The following STK32A variants were observed in gnomAD, a reference collection of about 807,000 sequenced individuals.
STK32A encodes serine/threonine kinase 32A, also known as serine/threonine-protein kinase 32A.
STK32A carries 41 observed loss-of-function variants against 53.2 expected under a neutral mutation model. That is an observed-to-expected ratio of 0.77 (90% confidence interval 0.60 to 1.00). The LOEUF (loss-of-function observed/expected upper bound fraction) is 1.00. Among genes scored for constraint, STK32A ranks in the 50% least tolerant of loss-of-function variants. STK32A has a pLI of 0.00. For synonymous variants in STK32A, 166 were observed against 162.8 expected (o/e 1.02, Z -0.15); for missense variants, 458 against 485.8 (o/e 0.94, Z 0.54).
rs903274045 is a variant in STK32A, at chr5:147,384,551, G to T, written c.*568G>T. The T allele has an allele frequency of 2.4e-6, 2 of 840,134 alleles. No homozygotes were observed. The highest frequency in any genetic ancestry group is 3.7e-6 in the Non-Finnish European group (2 of 541,974). The allele number at this position is 840,134 out of a possible 1,614,324, so 52.0% of individuals were successfully genotyped here. A position where few individuals can be genotyped will look rare whatever the true frequency, so the allele number is the denominator to read the frequency against. Reference sequence around the variant, plus strand: ...GGATGAGGGCCTTCCAGTGATATGCGTGAATCAGCATTAGATCCGCTTATC... The same window carrying T: ...GGATGAGGGCCTTCCAGTGATATGCTTGAATCAGCATTAGATCCGCTTATC... On this transcript the variant is annotated 3_prime_UTR_variant, in exon 13 of 13. Coordinates refer to ENST00000397936, the MANE Select transcript of STK32A (RefSeq NM_001112724.2).
At chr5:147,355,792 G>GTGTGTGTGTGTATATATATATATA in intron 7 of STK32A, among the ~76,000 whole-genome samples, 1 of 147,848 alleles carries the variant, frequency 6.8e-6, no homozygotes, top group African/African-American at 2.5e-5. Context: ...GTGTGTGTGT[G>GTGTGTGTGTGTATATATATATATA]TATATATATA....
chr5:147,269,807 A>T (rs1194782049), intron 2 of STK32A, among the ~76,000 whole-genome samples: 1 of 152,228 alleles, frequency 6.6e-6, no homozygotes, highest in African/African-American at 2.4e-5. Flanking sequence ...TAACCAAGAT[A>T]TGGAGGACCT....
At chr5:147,315,157 C>T (rs1053660956) in intron 4 of STK32A, among the ~76,000 whole-genome samples, 1 of 152,140 alleles carries the variant, frequency 6.6e-6, no homozygotes, top group African/African-American at 2.4e-5. Flanking sequence ...CTGAAGAAAA[C>T]AGTTGGACAG....
intron 5 of STK32A, among the ~76,000 whole-genome samples, chr5:147,329,772 A>G (rs1754775206): frequency 6.6e-6 from 1 of 152,232 alleles, no homozygotes; most frequent in South Asian, 2.1e-4. Context: ...TTAAGCCCTC[A>G]TAAGTGGATA....
intron 5 of STK32A, among the ~76,000 whole-genome samples, chr5:147,330,936 A>G (rs1452640066): frequency 6.6e-6 from 1 of 152,202 alleles, no homozygotes; most frequent in East Asian, 1.9e-4. Context: ...TCAGGCAGAG[A>G]TCTGGGCTGG....
At chr5:147,261,461 T>G (rs1378220935) in intron 2 of STK32A, among the ~76,000 whole-genome samples, 1 of 151,998 alleles carries the variant, frequency 6.6e-6, no homozygotes, top group Non-Finnish European at 1.5e-5. Context: ...AAGAGAATGA[T>G]GGGGTGAGTG....
intron 2 of STK32A, chr5:147,240,006 A>C (rs1389574366): frequency 1.1e-5 from 3 of 262,508 alleles, no homozygotes. Flanking sequence ...AGTTACCCCC[A>C]TTGCTCATTG....
At chr5:147,258,129 T>C (rs1580998683) in intron 2 of STK32A, among the ~76,000 whole-genome samples, 1 of 117,816 alleles carries the variant, frequency 8.5e-6, no homozygotes, top group Admixed American at 8.9e-5. Context: ...CTGACCATAA[T>C]GTATGATTCT....
chr5:147,366,222 C>A (rs1019692857), intron 8 of STK32A, among the ~76,000 whole-genome samples: 1 of 152,180 alleles, frequency 6.6e-6, no homozygotes, highest in Non-Finnish European at 1.5e-5. Context: ...CTTAGAACTT[C>A]TTCCTCTTCT....
At chr5:147,285,590 C>A (rs1040974850) in intron 4 of STK32A, among the ~76,000 whole-genome samples, 6 of 151,892 alleles carry the variant, frequency 4.0e-5, no homozygotes, top group Admixed American at 6.6e-5. Context: ...TCAAGTAAAT[C>A]AGTAAGGAAA....
At chr5:147,401,874 A>T in the STK32A span, 1 of 630,600 alleles carries the variant, frequency 1.6e-6, no homozygotes, top group South Asian at 2.8e-5. Flanking sequence ...GCTAAATGTG[A>T]CCAAGTTTGT....
At chr5:147,284,701 AAAC>A (rs143735777) in intron 4 of STK32A, among the ~76,000 whole-genome samples, 56,689 of 124,116 alleles carry the variant, frequency 0.46, 11,776 homozygotes, top group East Asian at 0.63. Flanking sequence ...CAAAACAAAA[AAAC>A]AACAAAAAAA....
At chr5:147,285,802 G>C (rs1172446060) in intron 4 of STK32A, among the ~76,000 whole-genome samples, 2 of 152,068 alleles carry the variant, frequency 1.3e-5, no homozygotes, top group Non-Finnish European at 2.9e-5. Flanking sequence ...GCAGATGTTG[G>C]CATGGATGCA....
intron 2 of STK32A, among the ~76,000 whole-genome samples, chr5:147,276,606 G>A (rs988105578): frequency 6.6e-6 from 1 of 152,126 alleles, no homozygotes; most frequent in Non-Finnish European, 1.5e-5. Flanking sequence ...AAAGAGTTAT[G>A]CCTTCAACTA....
At chr5:147,321,608 T>C (rs1194594329) in intron 4 of STK32A, among the ~76,000 whole-genome samples, 3 of 152,220 alleles carry the variant, frequency 2.0e-5, no homozygotes, top group African/African-American at 7.2e-5. Context: ...TTTATCACTT[T>C]GTTCTTTGAA....
At chr5:147,395,653 G>T in the STK32A span, 2 of 1,614,082 alleles carry the variant, frequency 1.2e-6, no homozygotes, top group Non-Finnish European at 1.7e-6. Flanking sequence ...TGCCACCTTT[G>T]GGGGTGGTGG....
chr5:147,267,718 G>T (rs983382711), intron 2 of STK32A, among the ~76,000 whole-genome samples: 12 of 152,238 alleles, frequency 7.9e-5, no homozygotes, highest in South Asian at 4.1e-4. Flanking sequence ...CATGGAGGGG[G>T]AAGTCTAAGA....
chr5:147,327,014 C>T (rs1834122), intron 5 of STK32A, among the ~76,000 whole-genome samples: 32,105 of 152,136 alleles, frequency 0.21, 3,556 homozygotes, highest in East Asian at 0.28. Flanking sequence ...TCACCATGCC[C>T]AGCTTCAAAT....
intron 7 of STK32A, among the ~76,000 whole-genome samples, chr5:147,351,826 A>G (rs970137392): frequency 3.3e-5 from 5 of 152,164 alleles, no homozygotes; most frequent in African/African-American, 1.2e-4. Flanking sequence ...CAGCCTGGCG[A>G]CAAAGCGAGA....
Sources: allele counts gnomAD v4.1 joint callset (sites outside exome capture counted in the v4.1 genomes callset), GRCh38; gene constraint gnomAD v4.1.1; transcripts MANE v1.5; gene names NCBI Gene and HGNC (gene_info 2026-07-23, HGNC 2026-07-21).